The following MBD5 variants were observed in gnomAD, a reference collection of about 807,000 sequenced individuals.
MBD5 encodes methyl-CpG binding domain protein 5.
Under a neutral mutation model 117.3 loss-of-function variants are expected in MBD5, and 13 were observed. That is an observed-to-expected ratio of 0.11 (90% CI 0.07 to 0.18). MBD5 has a LOEUF of 0.18. Ranked by LOEUF, MBD5 falls within the 10% of genes least tolerant of loss-of-function variation. The pLI is 1.00. For synonymous variants in MBD5, 727 were observed against 766.4 expected, an observed-to-expected ratio of 0.95 and a Z score of 0.85; for missense variants, 1,879 against 2,093.8, an observed-to-expected ratio of 0.90 and a Z score of 2.00.
chr2:148,053,735 T>C (rs971175625), intron 1 of MBD5, among the ~76,000 whole-genome samples: 9 of 152,088 alleles, frequency 5.9e-5, no homozygotes, highest in African/African-American at 2.2e-4. Context: ...TTGCTCATGT[T>C]CATTGATTTG....
chr2:148,054,763 A>G (rs910095946), intron 1 of MBD5: 1 of 152,264 alleles, frequency 6.6e-6, no homozygotes, highest in Non-Finnish European at 1.5e-5. Context: ...TTTGAGAAAC[A>G]CTACCCTTGG....
intron 3 of MBD5, among the ~76,000 whole-genome samples, chr2:148,330,309 CAG>C (rs894104441): frequency 6.6e-6 from 1 of 151,938 alleles, no homozygotes; most frequent in Non-Finnish European, 1.5e-5. Flanking sequence ...TCACTGTAGA[CAG>C]AGAGAGAGAA....
chr2:148,435,779 G>A lies in MBD5; in HGVS notation c.-556-22424G>A, dbSNP rs1342265672. Among the ~76,000 whole-genome samples, 5 of 152,144 alleles carry A rather than the reference G, an allele frequency of 3.3e-5. No individual in the cohort carries two copies. In the East Asian group the frequency reaches 9.6e-4, roughly 29 times the overall value. ...GTCTCTGCATTTATTGAATTTGAAT[G>A]TTGGCCTCTCTAGTGAGATTGGGAA... On this transcript the variant is annotated intron_variant, in intron 4 of 13. Coordinates refer to ENST00000642680, the MANE Select transcript of MBD5 (RefSeq NM_001378120.1).
chr2:148,262,833 A>G (rs1700764293), intron 3 of MBD5, among the ~76,000 whole-genome samples: 1 of 152,240 alleles, frequency 6.6e-6, no homozygotes, highest in South Asian at 2.1e-4. Flanking sequence ...GGCATTTTAG[A>G]TAGATTGTTT....
At chr2:148,078,783 A>G (rs1695570768) in intron 1 of MBD5, among the ~76,000 whole-genome samples, 1 of 152,250 alleles carries the variant, frequency 6.6e-6, no homozygotes, top group Non-Finnish European at 1.5e-5. Context: ...TCTTTTGGTT[A>G]ATGATAATTG....
intron 3 of MBD5, among the ~76,000 whole-genome samples, chr2:148,328,695 T>G (rs1702544381): frequency 6.6e-6 from 1 of 152,212 alleles, no homozygotes; most frequent in African/African-American, 2.4e-5. Context: ...TCACCCTGCT[T>G]TGGCTCGCAC....
At chr2:148,022,054 T>C (rs989710214) in intron 1 of MBD5, among the ~76,000 whole-genome samples, 3 of 152,108 alleles carry the variant, frequency 2.0e-5, no homozygotes, top group African/African-American at 7.2e-5. Context: ...AAAAATTCAT[T>C]GGAGAGCTCT....
chr2:148,372,764 AAG>A (rs1349902746), intron 4 of MBD5, among the ~76,000 whole-genome samples: 1 of 152,072 alleles, frequency 6.6e-6, no homozygotes, highest in Admixed American at 6.6e-5. Flanking sequence ...AAGTAAGTGG[AAG>A]AGAGTATAGT....
At chr2:148,125,883 T>C (rs1361715136) in intron 1 of MBD5, among the ~76,000 whole-genome samples, 2 of 152,190 alleles carry the variant, frequency 1.3e-5, no homozygotes, top group Admixed American at 1.3e-4. Context: ...TAAAGGTGGC[T>C]ATGAAAAGTT....
At chr2:148,073,999 T>G (rs1031338737) in intron 1 of MBD5, among the ~76,000 whole-genome samples, 16 of 151,724 alleles carry the variant, frequency 1.1e-4, no homozygotes, top group African/African-American at 3.9e-4. Flanking sequence ...CAGATAATCT[T>G]TTTTTTTTCT....
At chr2:148,443,392 G>T (rs1242126594) in intron 4 of MBD5, among the ~76,000 whole-genome samples, 1 of 151,202 alleles carries the variant, frequency 6.6e-6, no homozygotes, top group East Asian at 1.9e-4. Flanking sequence ...CTCACTCCTA[G>T]GTAGATACCC....
At chr2:148,306,270 G>A (rs1701890453) in intron 3 of MBD5, among the ~76,000 whole-genome samples, 1 of 152,118 alleles carries the variant, frequency 6.6e-6, no homozygotes, top group African/African-American at 2.4e-5. Flanking sequence ...CTGTAAGCCA[G>A]GTACCAGGCT....
intron 4 of MBD5, among the ~76,000 whole-genome samples, chr2:148,408,238 A>G (rs1705141064): frequency 6.6e-6 from 1 of 152,164 alleles, no homozygotes; most frequent in African/African-American, 2.4e-5. Context: ...AAATTTTTTC[A>G]TTAACATTAG....
intron 3 of MBD5, among the ~76,000 whole-genome samples, chr2:148,316,430 G>T (rs933230787): frequency 2.6e-5 from 4 of 152,118 alleles, no homozygotes; most frequent in African/African-American, 9.7e-5. Flanking sequence ...AAGTAAACAT[G>T]TATTTATAGT....
intron 1 of MBD5, among the ~76,000 whole-genome samples, chr2:148,173,405 C>T (rs932197428): frequency 3.3e-5 from 5 of 152,360 alleles, no homozygotes; most frequent in South Asian, 4.1e-4. Flanking sequence ...CCTGGCTCTG[C>T]GCAGTGGTCG....
At chr2:148,050,052 T>A (rs916194986) in intron 1 of MBD5, among the ~76,000 whole-genome samples, 1 of 152,186 alleles carries the variant, frequency 6.6e-6, no homozygotes, top group Non-Finnish European at 1.5e-5. Context: ...AACATATATT[T>A]TAACACATTC....
rs117506706 is a variant in MBD5, at chr2:148,473,315, A to G, written c.2518+2854A>G. 6.8e-4 allele frequency among the ~76,000 whole-genome samples: 103 copies of G among 152,232 alleles called. 2 individuals carry two copies. In the East Asian group the frequency reaches 0.017, roughly 25 times the overall value. ...TTTAATTAATTATCACCTCACTCAAATTAGAATGGGTTTCCTAGTAGGTGA... is the reference window on the plus strand; with the variant it reads ...TTTAATTAATTATCACCTCACTCAAGTTAGAATGGGTTTCCTAGTAGGTGA... On this transcript the variant is annotated intron_variant, in intron 8 of 13. Coordinates refer to ENST00000642680, the MANE Select transcript of MBD5 (RefSeq NM_001378120.1).
At chr2:148,145,239 G>A (rs974722906) in intron 1 of MBD5, among the ~76,000 whole-genome samples, 2 of 151,986 alleles carry the variant, frequency 1.3e-5, no homozygotes, top group African/African-American at 4.8e-5. Context: ...TCATGTTTTG[G>A]CTCTCTGTTT....
At chr2:148,139,811 C>G (rs573826344) in intron 1 of MBD5, among the ~76,000 whole-genome samples, 2 of 152,284 alleles carry the variant, frequency 1.3e-5, no homozygotes, top group East Asian at 3.9e-4. Context: ...TTGGTTCTGG[C>G]TTTTCCCTGG....
Sources: allele counts gnomAD v4.1 joint callset (sites outside exome capture counted in the v4.1 genomes callset), GRCh38; gene constraint gnomAD v4.1.1; transcripts MANE v1.5; gene names NCBI Gene and HGNC (gene_info 2026-07-23, HGNC 2026-07-21).